The following AGAP1 variants were observed in gnomAD, a reference collection of about 807,000 sequenced individuals.
The protein encoded by AGAP1 is arf-GAP with GTPase, ANK repeat and PH domain-containing protein 1.
In AGAP1, 29 loss-of-function variants were observed where a neutral mutation model predicts 105.3. The observed-to-expected ratio is 0.28, with a 90% confidence interval of 0.21 to 0.38. The LOEUF is 0.38. AGAP1 is among the 10% of genes least tolerant of loss of function. The pLI is 1.00. For synonymous variants in AGAP1, 509 were observed against 485.9 expected (o/e 1.05, Z -0.63); for missense variants, 998 against 1,165.1 (o/e 0.86, Z 2.09).
intron 8 of AGAP1, among the ~76,000 whole-genome samples, chr2:235,805,681 A>G (rs571176671): frequency 6.6e-6 from 1 of 152,320 alleles, no homozygotes; most frequent in South Asian, 2.1e-4. Flanking sequence ...AGCTCTTACT[A>G]TACAGTATTA....
At position 235,993,138 on chromosome 2, in the gene AGAP1, T is replaced by A. The variant is rs553068529; in HGVS notation, c.1645+24515T>A. ...CTTCCTAAGTATTGATAGCGGCGTA[T>A]ATATAGGATTCCCACAATTTGCAGT... On this transcript the variant is annotated intron_variant, in intron 13 of 17. Transcript: ENST00000304032. This position sits in a 1 kb window ranked among gnomAD's most constrained non-coding sequence, Gnocchi z 5.0. Among the ~76,000 whole-genome samples, 1 of 152,296 alleles carries A rather than the reference T, an allele frequency of 6.6e-6. No homozygotes were observed. Among genetic ancestry groups the A allele is most frequent in the South Asian group, 2.1e-4 (1 of 4,832 alleles).
Position 235,792,399 on chromosome 2 carries a change from T to C in AGAP1, c.674-5360T>C, listed in dbSNP as rs752216601. 1.9e-4 allele frequency among the ~76,000 whole-genome samples: 29 copies of C among 151,872 alleles called. No homozygotes were observed. The highest frequency in any genetic ancestry group is 3.7e-4 in the Non-Finnish European group (25 of 67,976). The stretch of plus-strand genomic sequence containing the variant: ...TACTAATGTGCGGAAATACCAGGAG[T>C]GGACAAGCCACCTTCCCCAAACATG... On this transcript the variant is annotated intron_variant, in intron 6 of 17. Transcript: ENST00000304032. The surrounding 1 kb of genome is among the most constrained non-coding windows in gnomAD (Gnocchi z 5.3).
At chr2:236,007,278 A>G (rs1294087490) in intron 13 of AGAP1, among the ~76,000 whole-genome samples, 3 of 152,238 alleles carry the variant, frequency 2.0e-5, no homozygotes, top group Non-Finnish European at 2.9e-5. Flanking sequence ...GAAAAGCTAA[A>G]ATTATCTCTA....
intron 6 of AGAP1, among the ~76,000 whole-genome samples, chr2:235,762,136 G>T (rs1954499009): frequency 6.6e-6 from 1 of 151,122 alleles, no homozygotes. Context: ...AAAAATTGCA[G>T]AGAATATGGA....
rs905301844 is a variant in AGAP1, at chr2:235,596,024, C to T, written c.163+101175C>T. ...GTTTCTGATGTTATGAAGCTATGCTCCTGGAAGTGGTTGTGAAAATCGCAG... is the reference window on the plus strand; with the variant it reads ...GTTTCTGATGTTATGAAGCTATGCTTCTGGAAGTGGTTGTGAAAATCGCAG... On this transcript the variant is annotated intron_variant, in intron 1 of 17. Transcript: ENST00000304032. This position sits in a 1 kb window ranked among gnomAD's most constrained non-coding sequence, Gnocchi z 5.9. 3.9e-5 allele frequency among the ~76,000 whole-genome samples: 6 copies of T among 152,124 alleles called. No homozygotes were observed. The highest frequency in any genetic ancestry group is 8.8e-5 in the Non-Finnish European group (6 of 68,034).
At chr2:235,774,593 T>C in intron 6 of AGAP1, 1 of 300,968 alleles carries the variant, frequency 3.3e-6, no homozygotes, top group Non-Finnish European at 6.6e-6. Flanking sequence ...GCCAGGGCTC[T>C]GAAGTAGAGC....
chr2:235,743,144 G>GC (rs1952688212), intron 4 of AGAP1, among the ~76,000 whole-genome samples: 1 of 152,214 alleles, frequency 6.6e-6, no homozygotes, highest in South Asian at 2.1e-4. Context: ...TCCAGCCTGG[G>GC]CGATGGAGCG....
At position 236,055,654 on chromosome 2, in the gene AGAP1, A is replaced by G. The variant is rs767223663; in HGVS notation, c.2114+6373A>G. On this transcript the variant is annotated intron_variant, in intron 16 of 17. Transcript: ENST00000304032. The surrounding 1 kb of genome is among the most constrained non-coding windows in gnomAD (Gnocchi z 6.2). ...GCCCTGCTCAAGCCACGACAGTGGC[A>G]GCCTTCTCCGAGGAGCCGTGGGTTT... is the stretch of plus-strand genomic sequence containing the variant. Among the ~76,000 whole-genome samples the G allele has an allele frequency of 5.3e-5, 8 of 152,266 alleles. No individual in the cohort carries two copies. The highest frequency in any genetic ancestry group is 9.6e-5 in the African/African-American group (4 of 41,468).
chr2:235,944,240 C>T (rs371812898), intron 12 of AGAP1, among the ~76,000 whole-genome samples: 2 of 152,246 alleles, frequency 1.3e-5, no homozygotes, highest in African/African-American at 4.8e-5. Flanking sequence ...TTCAAATTAT[C>T]GATAAATACA....
intron 16 of AGAP1, among the ~76,000 whole-genome samples, chr2:236,067,085 A>G (rs1335787245): frequency 1.3e-5 from 2 of 151,756 alleles, no homozygotes; most frequent in Non-Finnish European, 2.9e-5. Flanking sequence ...TACTCTGTGT[A>G]GATCTGCTTC....
chr2:235,973,526 G>A lies in AGAP1; in HGVS notation c.1645+4903G>A, dbSNP rs1209408528. ...GGGCAGGATGGTGACAGGGCCTGAA[G>A]CCTATGCATGGAGGGAACGTGCAGT... On this transcript the variant is annotated intron_variant, in intron 13 of 17. Transcript: ENST00000304032. This position sits in a 1 kb window ranked among gnomAD's most constrained non-coding sequence, Gnocchi z 4.7. Among the ~76,000 whole-genome samples, 3 of 152,170 alleles carry A rather than the reference G, an allele frequency of 2.0e-5. No homozygotes were observed. Among genetic ancestry groups the A allele is most frequent in the Non-Finnish European group, 4.4e-5 (3 of 68,036 alleles).
chr2:235,542,224 G>GT (rs914764064), intron 1 of AGAP1, among the ~76,000 whole-genome samples: 3 of 152,122 alleles, frequency 2.0e-5, no homozygotes, highest in Non-Finnish European at 4.4e-5. Context: ...TCCCGGGGGG[G>GT]GGCCAGTTGT....
intron 1 of AGAP1, among the ~76,000 whole-genome samples, chr2:235,573,074 CTTTCTTCT>C (rs1944620590): frequency 8.5e-6 from 1 of 117,124 alleles, no homozygotes; most frequent in Admixed American, 9.3e-5. Context: ...CTTCTTTCTT[CTTTCTTCT>C]TTCTTCTTTC....
At chr2:235,563,751 G>A (rs1383647570) in intron 1 of AGAP1, among the ~76,000 whole-genome samples, 1 of 152,170 alleles carries the variant, frequency 6.6e-6, no homozygotes, top group Admixed American at 6.5e-5. Context: ...AGAGAGAGAA[G>A]GAAGCTAGCG....
Position 235,904,390 on chromosome 2 carries a change from C to T in AGAP1, c.1156-4348C>T, listed in dbSNP as rs2051204724. On this transcript the variant is annotated intron_variant, in intron 10 of 17. Coordinates refer to ENST00000304032, the MANE Select transcript of AGAP1 (RefSeq NM_001037131.3). This position sits in a 1 kb window ranked among gnomAD's most constrained non-coding sequence, Gnocchi z 4.2. Reference sequence around the variant, plus strand: ...CATGGACAACTTGAGAAGGAAAATGCAAATAGGTTTGCAATTACTACTTTT... The same window carrying T: ...CATGGACAACTTGAGAAGGAAAATGTAAATAGGTTTGCAATTACTACTTTT... 1.3e-5 allele frequency among the ~76,000 whole-genome samples: 2 copies of T among 152,064 alleles called. No homozygotes were observed. Among genetic ancestry groups the T allele is most frequent in the Admixed American group, 1.3e-4 (2 of 15,274 alleles).
At chr2:235,950,654 G>A (rs901135514) in intron 12 of AGAP1, among the ~76,000 whole-genome samples, 2 of 151,842 alleles carry the variant, frequency 1.3e-5, no homozygotes, top group African/African-American at 2.4e-5. Context: ...GCTTCCTGCC[G>A]CATCCACCCC....
At chr2:235,929,886 G>A (rs1160684911) in intron 11 of AGAP1, among the ~76,000 whole-genome samples, 3 of 152,184 alleles carry the variant, frequency 2.0e-5, no homozygotes, top group Non-Finnish European at 4.4e-5. Context: ...AAAAACTTAT[G>A]TTGAGACAGC....
chr2:235,816,249 A>G (rs1958445667), intron 9 of AGAP1, among the ~76,000 whole-genome samples: 1 of 151,730 alleles, frequency 6.6e-6, no homozygotes, highest in African/African-American at 2.4e-5. Context: ...CATCCTGACT[A>G]ACATGGTAAA....
Position 235,648,776 on chromosome 2 carries a change from A to T in AGAP1, c.164-60403A>T, listed in dbSNP as rs1401737193. On this transcript the variant is annotated intron_variant, in intron 1 of 17. Coordinates refer to ENST00000304032, the MANE Select transcript of AGAP1 (RefSeq NM_001037131.3). ...GTGGCATGCGCCTGTAGCCCCAGCT[A>T]CTCGGGAGGCTGAGGCAGTAGAATC... Among the ~76,000 whole-genome samples the T allele has an allele frequency of 2.0e-5, 3 of 151,134 alleles. No homozygotes were observed. In the East Asian group the frequency reaches 5.8e-4, roughly 29 times the overall value.
Sources: allele counts gnomAD v4.1 joint callset (sites outside exome capture counted in the v4.1 genomes callset), GRCh38; gene constraint gnomAD v4.1.1; non-coding constraint Gnocchi (gnomAD v3.1); transcripts MANE v1.5; gene names NCBI Gene and HGNC (gene_info 2026-07-23, HGNC 2026-07-21).